DSN1: variants seen among roughly 807,000 people sequenced by gnomAD.
DSN1 encodes DSN1 component of MIS12 kinetochore complex.
DSN1 carries 31 observed loss-of-function variants against 45.7 expected under a neutral mutation model. The observed-to-expected ratio is 0.68, with a 90% confidence interval of 0.51 to 0.92. DSN1 has a LOEUF of 0.92. Ranked by LOEUF, DSN1 falls within the 40% of genes least tolerant of loss-of-function variation. The probability of loss-of-function intolerance (pLI) is 0.00; values close to 1 mark genes in which losing one functional copy is unlikely to be tolerated. For missense variants in DSN1, 394 were observed against 414.2 expected (o/e 0.95, Z 0.42); for synonymous variants, 134 against 142.3 (o/e 0.94, Z 0.41).
chr20:36,768,528 A>G (rs1187130203), intron 3 of DSN1, among the ~76,000 whole-genome samples: 1 of 152,192 alleles, frequency 6.6e-6, no homozygotes, highest in Non-Finnish European at 1.5e-5. Context: ...GGCATGCGCC[A>G]CCACACCCAG....
intron 5 of DSN1, 88 bp from the exon 6 acceptor site, chr20:36,762,636 C>T: frequency 6.6e-6 from 8 of 1,207,580 alleles, no homozygotes; most frequent in Non-Finnish European, 9.3e-6. Flanking sequence ...AAGGTAGTCT[C>T]AGCTCTAGGT....
chr20:36,755,740 G>A lies in DSN1; in HGVS notation c.815C>T (p.Pro272Leu), dbSNP rs1986635011. 1 of 1,613,900 alleles carries A rather than the reference G, an allele frequency of 6.2e-7. No individual in the cohort carries two copies. The highest frequency in any genetic ancestry group is 1.1e-5 in the South Asian group (1 of 91,078). The change falls in exon 9 of 11, where the codon CCT becomes CTT. Residue 272 changes from proline (P) to leucine (L), a missense_variant. Transcript: ENST00000373750. ...SSQNEVLNTKPDYQKILQNQS... is the reference protein window; with the variant it reads ...SSQNEVLNTKLDYQKILQNQS... ...GTTCTGTAATATTTTCTGGTAGTCAGGTTTTGTATTAAGAACTTCATTCTG... is the reference window on the plus strand; with the variant it reads ...GTTCTGTAATATTTTCTGGTAGTCAAGTTTTGTATTAAGAACTTCATTCTG...
intron 8 of DSN1, among the ~76,000 whole-genome samples, chr20:36,757,271 G>A (rs1235853967): frequency 2.0e-5 from 3 of 152,006 alleles, no homozygotes; most frequent in Non-Finnish European, 4.4e-5. Flanking sequence ...CAGGAGAATC[G>A]CCTGAACTAG....
At chr20:36,771,517 T>A (rs538127915) in intron 1 of DSN1, 44 bp from the exon 2 acceptor site, 2 of 1,588,800 alleles carry the variant, frequency 1.3e-6, no homozygotes, top group South Asian at 2.2e-5. Flanking sequence ...CACGTTTCAC[T>A]GCAGTCTCAA....
chr20:36,755,643 A>C, intron 9 of DSN1, 39 bp downstream of exon 9: 1 of 1,595,444 alleles, frequency 6.3e-7, no homozygotes, highest in Non-Finnish European at 8.5e-7. Context: ...AAGGTGGCAA[A>C]GCTGGATAAC....
chr20:36,761,271 T>C lies in DSN1; in HGVS notation c.590+1190A>G, dbSNP rs138800965. ...ATTAGAGGTCTCTGAACACTCCAGC[T>C]AAAGTTGCCCACCCCCTCAAGTCAT... On this transcript the variant is annotated intron_variant, in intron 6 of 10. Coordinates refer to ENST00000373750, the MANE Select transcript of DSN1 (RefSeq NM_001145315.2). Among the ~76,000 whole-genome samples, 90 of 152,284 alleles carry C rather than the reference T, an allele frequency of 5.9e-4. 1 individual carries two copies. Among genetic ancestry groups the C allele is most frequent in the African/African-American group, 2.0e-3 (83 of 41,558 alleles).
intron 9 of DSN1, among the ~76,000 whole-genome samples, chr20:36,755,326 G>C (rs1055338142): frequency 1.3e-5 from 2 of 151,812 alleles, no homozygotes; most frequent in Admixed American, 6.6e-5. Context: ...AATGCCATCT[G>C]CTTGCTATTA....
chr20:36,754,359 T>A (rs1017146457), intron 10 of DSN1, among the ~76,000 whole-genome samples: 1 of 151,168 alleles, frequency 6.6e-6, no homozygotes, highest in Non-Finnish European at 1.5e-5. Flanking sequence ...AAAAAAAAAG[T>A]AGAAGAAGAA....
intron 6 of DSN1, among the ~76,000 whole-genome samples, chr20:36,759,005 C>T (rs112648270): frequency 2.7e-5 from 4 of 148,776 alleles, no homozygotes; most frequent in Admixed American, 6.7e-5. Context: ...ATTTTTGAGA[C>T]GGAGTCTCGC....
chr20:36,771,359 G>A (rs1987640070), intron 2 of DSN1, 66 bp downstream of exon 2: 32 of 1,553,192 alleles, frequency 2.1e-5, no homozygotes, highest in Non-Finnish European at 2.8e-5. Flanking sequence ...AGCCAGGAAA[G>A]ATTTGGGTAT....
chr20:36,768,379 C>T (rs188556001), intron 3 of DSN1, among the ~76,000 whole-genome samples: 3 of 152,136 alleles, frequency 2.0e-5, no homozygotes, highest in Non-Finnish European at 4.4e-5. Flanking sequence ...CCCGTCTCTA[C>T]TAAAAACAGA....
chr20:36,767,595 G>A (rs1262592767), intron 4 of DSN1, among the ~76,000 whole-genome samples: 6 of 151,764 alleles, frequency 4.0e-5, no homozygotes, highest in East Asian at 1.9e-4. Flanking sequence ...GTGAAACCCC[G>A]TCTCAACTAA....
chr20:36,773,207 T>TG, intron 1 of DSN1, among the ~76,000 whole-genome samples: 1 of 152,354 alleles, frequency 6.6e-6, no homozygotes, highest in East Asian at 1.9e-4. Flanking sequence ...ACCTGTGCTA[T>TG]GTAAGCGCTT....
chr20:36,766,335 C>T (rs747793815), intron 5 of DSN1, among the ~76,000 whole-genome samples: 4 of 151,906 alleles, frequency 2.6e-5, no homozygotes, highest in Admixed American at 1.3e-4. Context: ...TCCACTTTCA[C>T]ACTTCCTTAG....
At chr20:36,769,952 G>GA (rs1193582875) in intron 3 of DSN1, among the ~76,000 whole-genome samples, 121 of 121,290 alleles carry the variant, frequency 1.0e-3, no homozygotes, top group African/African-American at 3.7e-3. Flanking sequence ...GAGAGAGAGA[G>GA]ACAGAGAGAG....
chr20:36,772,988 T>TG lies in DSN1; in HGVS notation c.-16+673dup, dbSNP rs552041795. On this transcript the variant is annotated intron_variant, in intron 1 of 10. Coordinates refer to ENST00000373750, the MANE Select transcript of DSN1 (RefSeq NM_001145315.2). ...CTCCCTCCCAGCAGAAATCTGTCTG[T>TG]GGGGGGTGCTAAGTAAAAAGATATG... Among the ~76,000 whole-genome samples the TG allele has an allele frequency of 1.4e-4, 22 of 152,184 alleles. No homozygotes were observed. The East Asian group carries it at 2.5e-3, about 17-fold the overall frequency.
intron 3 of DSN1, 148 bp from the exon 4 acceptor site, chr20:36,768,190 G>A: frequency 2.9e-6 from 2 of 684,050 alleles, no homozygotes; most frequent in Non-Finnish European, 4.9e-6. Flanking sequence ...ATTTTTGCAG[G>A]ATCACTGAGG....
In DSN1 at chr20:36,770,948, G is replaced by A. The variant is rs1285166109; in HGVS notation, c.280C>T (p.Gln94Ter). The change falls in exon 3 of 11, where the codon CAA becomes TAA. Residue 94 changes from glutamine (Q) to a stop codon, truncating the protein, a stop_gained. Transcript: ENST00000373750. LOFTEE classifies it high-confidence loss of function. ...TTCATACTTGCTCGCCGCCAGGATT[G>A]CCTCCTGTCTTGATAACTGGCAGAT... is the stretch of plus-strand genomic sequence containing the variant. ...EQSASYQDRRQSWRRASMKET... is the reference protein window; with the variant it reads ...EQSASYQDRR 1 of 1,614,038 alleles carries A rather than the reference G, an allele frequency of 6.2e-7. No homozygotes were observed. Among genetic ancestry groups the A allele is most frequent in the African/African-American group, 1.3e-5 (1 of 74,914 alleles).
At position 36,752,057 on chromosome 20, in the gene DSN1, A is replaced by G. The variant is rs986738623; in HGVS notation, c.*731T>C. 6.6e-6 allele frequency: 1 copy of G among 151,700 alleles called. No homozygotes were observed. The highest frequency in any genetic ancestry group is 2.4e-5 in the African/African-American group (1 of 41,306). The allele number at this position is 151,700 out of a possible 1,614,324, so 9.4% of individuals were successfully genotyped here. Reference sequence around the variant, plus strand: ...AAACTTTTTTTTTCATTTTTTTACAATTTTTAATTTTTTTTAAGACAGTGT... The same window carrying G: ...AAACTTTTTTTTTCATTTTTTTACAGTTTTTAATTTTTTTTAAGACAGTGT... On this transcript the variant is annotated 3_prime_UTR_variant, in exon 11 of 11. Transcript: ENST00000373750.
Sources: allele counts gnomAD v4.1 joint callset (sites outside exome capture counted in the v4.1 genomes callset), GRCh38; gene constraint gnomAD v4.1.1; transcripts MANE v1.5; gene names NCBI Gene and HGNC (gene_info 2026-07-23, HGNC 2026-07-21).